SMIM36: variants seen among roughly 807,000 people sequenced by gnomAD.
SMIM36 encodes the protein small integral membrane protein 36.
intron 3 of SMIM36, among the ~76,000 whole-genome samples, chr17:55,468,581 C>T (rs1031532209): frequency 6.6e-6 from 1 of 152,146 alleles, no homozygotes; most frequent in Non-Finnish European, 1.5e-5. Context: ...GGTCATTCAC[C>T]CACTCACCAC....
intron 1 of SMIM36, among the ~76,000 whole-genome samples, chr17:55,481,396 T>TA (rs1346895393): frequency 2.6e-5 from 4 of 151,912 alleles, no homozygotes; most frequent in African/African-American, 9.7e-5. Flanking sequence ...AGAAGAAAAA[T>TA]AAAAAATTAT....
chr17:55,493,464 C>G (rs1909748167), intron 1 of SMIM36, among the ~76,000 whole-genome samples: 1 of 152,124 alleles, frequency 6.6e-6, no homozygotes, highest in African/African-American at 2.4e-5. Context: ...AATATCAAGT[C>G]AAGGGTCGCA....
At chr17:55,488,695 C>T (rs1300701734) in intron 1 of SMIM36, among the ~76,000 whole-genome samples, 1 of 152,164 alleles carries the variant, frequency 6.6e-6, no homozygotes, top group Non-Finnish European at 1.5e-5. Context: ...TAGCTTGTCA[C>T]CAATGTTTTT....
chr17:55,466,709 A>G (rs1460516564), intron 4 of SMIM36, among the ~76,000 whole-genome samples: 2 of 152,086 alleles, frequency 1.3e-5, no homozygotes, highest in Non-Finnish European at 2.9e-5. Flanking sequence ...AGGAGCTTTC[A>G]TTGAAGTGAT....
chr17:55,531,922 G>C, the SMIM36 span, among the ~76,000 whole-genome samples: 1 of 152,194 alleles, frequency 6.6e-6, no homozygotes, highest in East Asian at 1.9e-4. Context: ...TCATGTAGAA[G>C]AGGTATTTCT....
chr17:55,466,422 C>T (rs1010912779), intron 4 of SMIM36, among the ~76,000 whole-genome samples: 16 of 151,890 alleles, frequency 1.1e-4, no homozygotes, highest in African/African-American at 3.9e-4. Context: ...TTAGATGCTA[C>T]GTGTGGGAGT....
At chr17:55,482,610 C>T (rs1909538965) in intron 1 of SMIM36, among the ~76,000 whole-genome samples, 2 of 152,202 alleles carry the variant, frequency 1.3e-5, no homozygotes, top group South Asian at 4.1e-4. Context: ...TAGTCTTTCA[C>T]ATTTAGTGGG....
chr17:55,483,132 T>C (rs1412460039), intron 1 of SMIM36, among the ~76,000 whole-genome samples: 2 of 152,208 alleles, frequency 1.3e-5, no homozygotes, highest in Non-Finnish European at 1.5e-5. Flanking sequence ...CAAGTTTACA[T>C]AGGAAGCAGC....
intron 4 of SMIM36, among the ~76,000 whole-genome samples, chr17:55,460,253 C>T (rs1234669152): frequency 1.3e-5 from 2 of 151,686 alleles, no homozygotes; most frequent in African/African-American, 2.4e-5. Flanking sequence ...GATGGTGAAA[C>T]CCTGTCTCTA....
intron 1 of SMIM36, among the ~76,000 whole-genome samples, chr17:55,501,335 T>TGTTATATATTATATTTTATAATATATAAC (rs1909958861): frequency 2.0e-5 from 1 of 50,570 alleles, no homozygotes; most frequent in Non-Finnish European, 4.0e-5. Context: ...TAATATATAA[T>TGTTATATATTATATTTTATAATATATAAC]ATATTATATA....
chr17:55,468,824 C>A (rs185078803), intron 3 of SMIM36, among the ~76,000 whole-genome samples: 1 of 152,276 alleles, frequency 6.6e-6, no homozygotes, highest in East Asian at 1.9e-4. Context: ...TAAATGTCTT[C>A]TTTTCTTCTG....
At chr17:55,516,633 A>G in the SMIM36 span, among the ~76,000 whole-genome samples, 3 of 140,180 alleles carry the variant, frequency 2.1e-5, no homozygotes. Flanking sequence ...GTCTTGGCTC[A>G]CTGCAAACTC....
At chr17:55,471,648 CTT>C (rs905769064) in intron 3 of SMIM36, among the ~76,000 whole-genome samples, 7 of 152,192 alleles carry the variant, frequency 4.6e-5, no homozygotes, top group African/African-American at 1.7e-4. Context: ...GACCCTAAGT[CTT>C]TTCCCAATTC....
At chr17:55,513,632 G>T (rs1260483120), upstream of SMIM36, among the ~76,000 whole-genome samples, 1 of 152,204 alleles carries the variant, frequency 6.6e-6, no homozygotes, top group African/African-American at 2.4e-5. Context: ...GACTTCTATA[G>T]TAAACTGAGT....
chr17:55,469,205 C>CT (rs1185429048), intron 3 of SMIM36, among the ~76,000 whole-genome samples: 3 of 152,094 alleles, frequency 2.0e-5, no homozygotes, highest in African/African-American at 7.2e-5. Context: ...CTTCTATCAC[C>CT]TCCCCTCCTT....
intron 1 of SMIM36, among the ~76,000 whole-genome samples, chr17:55,497,340 C>T (rs1909827468): frequency 6.6e-6 from 1 of 152,126 alleles, no homozygotes; most frequent in South Asian, 2.1e-4. Flanking sequence ...CCTTGGCTCA[C>T]CGCAACTTCT....
At chr17:55,517,368 T>C in the SMIM36 span, among the ~76,000 whole-genome samples, 7 of 152,234 alleles carry the variant, frequency 4.6e-5, no homozygotes, top group Admixed American at 1.3e-4. Context: ...CTGGCCAACA[T>C]GGTGAAACCC....
chr17:55,478,714 C>CAT (rs1909467921), intron 3 of SMIM36, 48 bp downstream of exon 3: 1 of 152,162 alleles, frequency 6.6e-6, no homozygotes, highest in Non-Finnish European at 1.5e-5. Flanking sequence ...CAGCCCTGTT[C>CAT]TGGTTGAAAT....
At chr17:55,515,065 G>GT (rs1292205519), upstream of SMIM36, among the ~76,000 whole-genome samples, 20 of 90,488 alleles carry the variant, frequency 2.2e-4, no homozygotes, top group East Asian at 4.4e-3. Context: ...TTAAAGCAAT[G>GT]TTTTTGAATT....
Sources: allele counts gnomAD v4.1 joint callset (sites outside exome capture counted in the v4.1 genomes callset), GRCh38; gene constraint gnomAD v4.1.1; transcripts MANE v1.5; gene names NCBI Gene and HGNC (gene_info 2026-07-23, HGNC 2026-07-21).